Variants in NELL1 observed in about 807,000 individuals in gnomAD.
NELL1 encodes the protein neural EGFL like 1.
A neutral mutation model predicts 107.4 loss-of-function variants in NELL1; 76 were observed. The observed-to-expected ratio is 0.71, with a 90% CI of 0.59 to 0.86. The LOEUF (loss-of-function observed/expected upper bound fraction) is 0.86, where lower values mean the gene tolerates loss of function less well. Ranked by LOEUF, NELL1 falls within the 40% of genes least tolerant of loss-of-function variation. NELL1 has a pLI of 0.00. For missense variants in NELL1, 1,024 were observed against 1,005.5 expected, an observed-to-expected ratio of 1.02 and a Z score of -0.25; for synonymous variants, 353 against 341.2, an observed-to-expected ratio of 1.03 and a Z score of -0.38.
chr11:21,478,706 A>C (rs76193865), intron 15 of NELL1, among the ~76,000 whole-genome samples: 1 of 149,880 alleles, frequency 6.7e-6, no homozygotes, highest in Non-Finnish European at 1.5e-5. Context: ...AAAAAAAAAA[A>C]GGACTTTTGC....
chr11:21,293,803 C>G (rs1849320774), intron 14 of NELL1, among the ~76,000 whole-genome samples: 1 of 152,082 alleles, frequency 6.6e-6, no homozygotes, highest in South Asian at 2.1e-4. Flanking sequence ...AGCTGGAAAC[C>G]ATAATTCTCA....
chr11:21,192,416 A>G (rs17233103), intron 13 of NELL1, among the ~76,000 whole-genome samples: 9,784 of 152,008 alleles, frequency 0.064, 416 homozygotes, highest in Non-Finnish European at 0.094. Context: ...TTAAATAAGT[A>G]AATTCAGGCA....
chr11:21,441,332 TGTGTGTGTGTGTGTGTGTGTGTGTGTG>T (rs1853279413), intron 15 of NELL1, among the ~76,000 whole-genome samples: 1 of 104,122 alleles, frequency 9.6e-6, no homozygotes, highest in Non-Finnish European at 2.6e-5. Context: ...GGCTGTGACG[TGTGTGTGTGTGTGTGTGTGTGTGTGTG>T]TGTGTGTGTG....
chr11:20,719,069 T>C (rs1231142346), intron 2 of NELL1, among the ~76,000 whole-genome samples: 1 of 152,202 alleles, frequency 6.6e-6, no homozygotes. Context: ...TTAAAGCAAG[T>C]TCCATGGCTA....
chr11:20,928,409 T>C lies in NELL1; in HGVS notation c.927T>C (p.Cys309=). The C allele has an allele frequency of 6.2e-7, 1 of 1,613,996 alleles. No homozygotes were observed. The highest frequency in any genetic ancestry group is 8.5e-7 in the Non-Finnish European group (1 of 1,179,914). The part of the protein sequence containing the change: ...SGAVECRRMS[C]PPLNCSPDSL... The stretch of plus-strand genomic sequence containing the variant: ...CCGTGGAATGCCGAAGGATGTCCTG[T>C]CCCCCTCTCAATTGCTCCCCAGACT... The change falls in exon 9 of 20, where the codon TGT becomes TGC. Residue 309 remains cysteine (C), a synonymous_variant. Transcript: ENST00000357134.
At chr11:21,568,159 AG>A (rs1857013643) in intron 17 of NELL1, among the ~76,000 whole-genome samples, 1 of 151,892 alleles carries the variant, frequency 6.6e-6, no homozygotes, top group African/African-American at 2.4e-5. Context: ...TATTGCTTCT[AG>A]GCTATAAACC....
chr11:20,724,173 C>T (rs1264216394), intron 2 of NELL1, among the ~76,000 whole-genome samples: 2 of 152,230 alleles, frequency 1.3e-5, no homozygotes, highest in Non-Finnish European at 2.9e-5. Flanking sequence ...CCTTGAAGAT[C>T]TCTGCAATGC....
chr11:20,703,385 C>T (rs1854849895), intron 2 of NELL1, among the ~76,000 whole-genome samples: 2 of 152,000 alleles, frequency 1.3e-5, no homozygotes, highest in South Asian at 4.1e-4. Context: ...TTTGATTCTT[C>T]TCTCTTTTCT....
At chr11:20,977,264 A>ATTTTTTT (rs558154042) in intron 12 of NELL1, among the ~76,000 whole-genome samples, 1 of 131,166 alleles carries the variant, frequency 7.6e-6, no homozygotes. Context: ...AATTAAATCT[A>ATTTTTTT]TTTTTTTTTT....
chr11:20,763,148 C>T (rs530587628), intron 2 of NELL1, among the ~76,000 whole-genome samples: 35 of 152,256 alleles, frequency 2.3e-4, no homozygotes, highest in African/African-American at 7.9e-4. Context: ...TCTCTCCTCC[C>T]TGGGGATTCG....
intron 12 of NELL1, among the ~76,000 whole-genome samples, chr11:21,112,717 A>G (rs935696489): frequency 6.6e-6 from 1 of 152,044 alleles, no homozygotes; most frequent in Non-Finnish European, 1.5e-5. Flanking sequence ...GGATACTTGG[A>G]CCCAGAGTAG....
chr11:21,416,973 G>A (rs1223562529), intron 15 of NELL1, among the ~76,000 whole-genome samples: 1 of 152,012 alleles, frequency 6.6e-6, no homozygotes, highest in Non-Finnish European at 1.5e-5. Context: ...TTTAGTGGAT[G>A]AGAAAACTGG....
At chr11:21,065,379 C>T (rs1169205862) in intron 12 of NELL1, among the ~76,000 whole-genome samples, 6 of 152,014 alleles carry the variant, frequency 3.9e-5, no homozygotes, top group African/African-American at 1.4e-4. Flanking sequence ...CTTGAACTTG[C>T]TAGAATGATT....
intron 12 of NELL1, among the ~76,000 whole-genome samples, chr11:20,998,206 C>G (rs539191356): frequency 6.6e-6 from 1 of 151,894 alleles, no homozygotes; most frequent in Non-Finnish European, 1.5e-5. Context: ...TGTGTATTTT[C>G]ATTGTTTTAC....
chr11:20,863,969 G>A (rs1411897673), intron 4 of NELL1, among the ~76,000 whole-genome samples: 1 of 152,100 alleles, frequency 6.6e-6, no homozygotes, highest in Non-Finnish European at 1.5e-5. Context: ...CCAGTCAGGC[G>A]TGGCGGCGCG....
At chr11:21,493,804 C>G (rs1346049911) in intron 15 of NELL1, among the ~76,000 whole-genome samples, 2 of 152,118 alleles carry the variant, frequency 1.3e-5, no homozygotes, top group East Asian at 3.9e-4. Flanking sequence ...ATAGATACCA[C>G]AAATATTCTA....
chr11:20,820,049 A>G (rs1857716025), intron 3 of NELL1, among the ~76,000 whole-genome samples: 1 of 152,188 alleles, frequency 6.6e-6, no homozygotes. Context: ...CTTGGACCCT[A>G]TATCAGTTTT....
At chr11:21,038,868 A>G (rs1853159319) in intron 12 of NELL1, among the ~76,000 whole-genome samples, 1 of 152,072 alleles carries the variant, frequency 6.6e-6, no homozygotes, top group Admixed American at 6.6e-5. Context: ...ATTTCAGATG[A>G]TTTTTTTGTT....
chr11:21,395,535 T>C (rs1033780025), intron 15 of NELL1, among the ~76,000 whole-genome samples: 1 of 151,578 alleles, frequency 6.6e-6, no homozygotes, highest in Admixed American at 6.6e-5. Context: ...GAAATATTTC[T>C]AACTTCTGTT....
Sources: gnomAD v4.1 joint callset for allele counts (sites outside exome capture counted in the v4.1 genomes callset) on GRCh38, gnomAD v4.1.1 for gene constraint, MANE v1.5 for transcripts, NCBI Gene and HGNC (gene_info 2026-07-23, HGNC 2026-07-21) for gene names.